MAGI3: variants seen among roughly 807,000 people sequenced by gnomAD.
The protein encoded by MAGI3 is membrane associated guanylate kinase, WW and PDZ domain containing 3.
In MAGI3, 43 loss-of-function variants were observed where a neutral mutation model predicts 121.8. The observed-to-expected ratio is 0.35, with a 90% CI of 0.28 to 0.46. MAGI3 has a LOEUF of 0.46. Among genes scored for constraint, MAGI3 ranks in the 20% least tolerant of loss-of-function variants. The pLI, the probability that MAGI3 is intolerant of heterozygous loss-of-function variation, is 1.00. For missense variants in MAGI3, 1,547 were observed against 1,797.3 expected (o/e 0.86, Z 2.52); for synonymous variants, 553 against 639.3 (o/e 0.86, Z 2.04).
intron 1 of MAGI3, among the ~76,000 whole-genome samples, chr1:113,469,249 A>G (rs1361739812): frequency 1.3e-5 from 2 of 152,240 alleles, no homozygotes; most frequent in Non-Finnish European, 2.9e-5. Context: ...ATATTAAGTG[A>G]TAGAAATAAT....
intron 9 of MAGI3, among the ~76,000 whole-genome samples, chr1:113,639,449 T>C (rs1652302092): frequency 6.6e-6 from 1 of 152,244 alleles, no homozygotes; most frequent in African/African-American, 2.4e-5. Flanking sequence ...TCATCCAGGC[T>C]GGAGTGCGAT....
chr1:113,585,975 A>C (rs946350576), intron 4 of MAGI3, among the ~76,000 whole-genome samples: 1 of 152,212 alleles, frequency 6.6e-6, no homozygotes, highest in Admixed American at 6.5e-5. Flanking sequence ...AAACAAAGTA[A>C]ATAGGGCTTG....
chr1:113,444,760 T>A (rs1405316740), intron 1 of MAGI3, among the ~76,000 whole-genome samples: 2 of 152,036 alleles, frequency 1.3e-5, no homozygotes, highest in Non-Finnish European at 2.9e-5. Flanking sequence ...CAACAGAAAC[T>A]CTTCCTGAAA....
intron 1 of MAGI3, 87 bp from the exon 2 acceptor site, chr1:113,549,428 A>G (rs923043327): frequency 3.0e-6 from 2 of 663,566 alleles, no homozygotes; most frequent in East Asian, 2.7e-5. Flanking sequence ...CTGGTTTAAG[A>G]GTATTCAGTT....
intron 1 of MAGI3, among the ~76,000 whole-genome samples, chr1:113,449,091 G>A (rs1654330042): frequency 6.6e-6 from 1 of 150,986 alleles, no homozygotes; most frequent in Non-Finnish European, 1.5e-5. Flanking sequence ...GCACTCCCCT[G>A]GGCAACAAGA....
At chr1:113,425,584 T>C (rs1255386086) in intron 1 of MAGI3, among the ~76,000 whole-genome samples, 1 of 152,096 alleles carries the variant, frequency 6.6e-6, no homozygotes, top group Non-Finnish European at 1.5e-5. Flanking sequence ...GCACCCAGCC[T>C]ACAAATTCAA....
chr1:113,548,518 C>G (rs1452038705), intron 1 of MAGI3, among the ~76,000 whole-genome samples: 1 of 152,030 alleles, frequency 6.6e-6, no homozygotes, highest in Non-Finnish European at 1.5e-5. Flanking sequence ...GGAAGAGGAC[C>G]CTAAGGTAGG....
rs34587648 is a variant in MAGI3, at chr1:113,536,144, GTTTT to G, written c.317-13359_317-13356del. On this transcript the variant is annotated intron_variant, in intron 1 of 20. Transcript: ENST00000307546. ...TGTCCACAATTACTAGAAGACATGT[GTTTT>G]TTTTTTTTTTTAAAAAAATTTGATT... is the stretch of plus-strand genomic sequence containing the variant. 2.1e-3 allele frequency among the ~76,000 whole-genome samples: 304 copies of G among 145,544 alleles called. 1 individual carries two copies. The highest frequency in any genetic ancestry group is 5.9e-3 in the African/African-American group (224 of 38,224).
Position 113,647,161 on chromosome 1 carries a change from T to TA in MAGI3, c.2155+520dup, listed in dbSNP as rs796239935. Among the ~76,000 whole-genome samples, 6 of 152,236 alleles carry TA rather than the reference T, an allele frequency of 3.9e-5. No homozygotes were observed. In the South Asian group the frequency reaches 1.2e-3, roughly 32 times the overall value. On this transcript the variant is annotated intron_variant, in intron 12 of 20. Transcript: ENST00000307546. ...CTTTGAGGAAGATAAAAGGGAAAGATAGAAGGAATAGCACATGCACACTGG... is the reference window on the plus strand; with the variant it reads ...CTTTGAGGAAGATAAAAGGGAAAGATAAGAAGGAATAGCACATGCACACTGG...
chr1:113,594,914 T>C (rs1227505763), intron 6 of MAGI3, among the ~76,000 whole-genome samples: 2 of 152,198 alleles, frequency 1.3e-5, no homozygotes, highest in Non-Finnish European at 2.9e-5. Flanking sequence ...TCATGTCTTA[T>C]GAAGTTTTTA....
Position 113,681,352 on chromosome 1 carries a change from C to T in MAGI3, c.3328+16C>T, listed in dbSNP as rs943381666. 1 of 1,607,706 alleles carries T rather than the reference C, an allele frequency of 6.2e-7. No homozygotes were observed. The highest frequency in any genetic ancestry group is 1.3e-5 in the African/African-American group (1 of 74,444). On this transcript the variant is annotated intron_variant, in intron 20 of 20. Coordinates refer to ENST00000307546, the MANE Select transcript of MAGI3 (RefSeq NM_001142782.2). ...CCTGACCATGGTAAGTAAAGTAGCC[C>T]ACTAGTAGCTGAAAAGTTGTATATT...
chr1:113,563,578 C>G (rs1390338385), intron 2 of MAGI3, among the ~76,000 whole-genome samples: 2 of 152,176 alleles, frequency 1.3e-5, no homozygotes, highest in Non-Finnish European at 2.9e-5. Flanking sequence ...GCAAGTTCAG[C>G]AACACCCTGA....
chr1:113,506,086 C>T (rs1353849408), intron 1 of MAGI3, among the ~76,000 whole-genome samples: 2 of 152,186 alleles, frequency 1.3e-5, no homozygotes, highest in African/African-American at 2.4e-5. Flanking sequence ...AAGACTATTG[C>T]TCTGGAGTAG....
At chr1:113,593,085 A>G (rs1377447512) in intron 5 of MAGI3, among the ~76,000 whole-genome samples, 1 of 152,182 alleles carries the variant, frequency 6.6e-6, no homozygotes, top group African/African-American at 2.4e-5. Context: ...CAGTGGCTGC[A>G]GAGCTCTGCA....
intron 10 of MAGI3, 82 bp from the exon 11 acceptor site, chr1:113,643,661 A>T: frequency 7.6e-7 from 1 of 1,318,192 alleles, no homozygotes; most frequent in Non-Finnish European, 1.1e-6. Flanking sequence ...AGTTGAAGCT[A>T]GTTTTATCGT....
chr1:113,522,569 T>C (rs1658250967), intron 1 of MAGI3, among the ~76,000 whole-genome samples: 1 of 152,200 alleles, frequency 6.6e-6, no homozygotes, highest in Non-Finnish European at 1.5e-5. Flanking sequence ...GAGATAATAA[T>C]ACTCACCTCA....
intron 16 of MAGI3, among the ~76,000 whole-genome samples, chr1:113,665,430 T>C (rs1156350270): frequency 6.6e-6 from 1 of 152,126 alleles, no homozygotes; most frequent in Non-Finnish European, 1.5e-5. Context: ...TATCTGCTTA[T>C]TAGGGAAAAC....
At chr1:113,545,056 T>C (rs982452355) in intron 1 of MAGI3, among the ~76,000 whole-genome samples, 12 of 150,602 alleles carry the variant, frequency 8.0e-5, no homozygotes, top group Admixed American at 6.0e-4. Context: ...TAACAAAATA[T>C]AGTTTTTTGT....
intron 1 of MAGI3, among the ~76,000 whole-genome samples, chr1:113,516,077 CCTT>C (rs1327607627): frequency 1.3e-5 from 2 of 151,940 alleles, no homozygotes; most frequent in Admixed American, 6.6e-5. Flanking sequence ...AAATCATCAT[CCTT>C]CTATCTCCAA....
Sources: allele counts gnomAD v4.1 joint callset (sites outside exome capture counted in the v4.1 genomes callset), GRCh38; gene constraint gnomAD v4.1.1; transcripts MANE v1.5; gene names NCBI Gene and HGNC (gene_info 2026-07-23, HGNC 2026-07-21).